Variants in PCSK2 observed in about 807,000 individuals in gnomAD.
PCSK2 encodes the protein proprotein convertase subtilisin/kexin type 2.
Under a neutral mutation model 69.7 loss-of-function variants are expected in PCSK2, and 14 were observed. The observed-to-expected ratio is 0.20, with a 90% confidence interval of 0.13 to 0.31. PCSK2 has a LOEUF of 0.31. PCSK2 is among the 10% of genes least tolerant of loss of function. The pLI is 1.00. For missense variants in PCSK2, 544 were observed against 842.5 expected (o/e 0.65, Z 4.39); for synonymous variants, 307 against 320.7 (o/e 0.96, Z 0.46).
chr20:17,350,630 G>C (rs118107938), intron 2 of PCSK2, among the ~76,000 whole-genome samples: 4 of 152,152 alleles, frequency 2.6e-5, no homozygotes, highest in Non-Finnish European at 4.4e-5. Context: ...CGGCTTAGTC[G>C]AAAGTTCATA....
At chr20:17,430,493 T>A (rs1451575688) in intron 7 of PCSK2, among the ~76,000 whole-genome samples, 1 of 152,176 alleles carries the variant, frequency 6.6e-6, no homozygotes, top group Non-Finnish European at 1.5e-5. Context: ...AAAGCAAAGG[T>A]AACCTATACA....
At chr20:17,348,050 G>GGAAAGAAAGAAAGAAAGAAA (rs200387593) in intron 2 of PCSK2, among the ~76,000 whole-genome samples, 14 of 86,910 alleles carry the variant, frequency 1.6e-4, no homozygotes, top group East Asian at 2.6e-4. Context: ...AAGAAAGAAA[G>GGAAAGAAAGAAAGAAAGAAA]GAAAGAAAGA....
intron 1 of PCSK2, among the ~76,000 whole-genome samples, chr20:17,239,240 C>T (rs1417393673): frequency 1.3e-5 from 2 of 152,184 alleles, no homozygotes; most frequent in Non-Finnish European, 2.9e-5. Flanking sequence ...TATCAGGGCA[C>T]CACCAATTCT....
At position 17,343,778 on chromosome 20, in the gene PCSK2, C is replaced by T. The variant is rs114575710; in HGVS notation, c.283-14549C>T. Reference sequence around the variant, plus strand: ...AGAAATATTTCATCCACTGTTGCGCCGTTAATGATGGAGAAATGGGATCAT... The same window carrying T: ...AGAAATATTTCATCCACTGTTGCGCTGTTAATGATGGAGAAATGGGATCAT... On this transcript the variant is annotated intron_variant, in intron 2 of 11. Coordinates refer to ENST00000262545, the MANE Select transcript of PCSK2 (RefSeq NM_002594.5). Among the ~76,000 whole-genome samples, 1,389 of 152,204 alleles carry T rather than the reference C, an allele frequency of 9.1e-3. 17 individuals are homozygous for T. Among genetic ancestry groups the T allele is most frequent in the African/African-American group, 0.032 (1,325 of 41,520 alleles).
chr20:17,376,097 A>G (rs1255190543), intron 5 of PCSK2, among the ~76,000 whole-genome samples: 2 of 152,150 alleles, frequency 1.3e-5, no homozygotes, highest in Non-Finnish European at 2.9e-5. Context: ...CTCCTGCTGT[A>G]CCCTAGAGGA....
intron 11 of PCSK2, among the ~76,000 whole-genome samples, chr20:17,467,804 T>C (rs1377959893): frequency 2.0e-5 from 3 of 152,204 alleles, no homozygotes; most frequent in South Asian, 2.1e-4. Flanking sequence ...AGGCACACAG[T>C]AGGCACTTAA....
chr20:17,253,693 T>G (rs558044546), intron 1 of PCSK2, among the ~76,000 whole-genome samples: 1 of 152,332 alleles, frequency 6.6e-6, no homozygotes, highest in South Asian at 2.1e-4. Flanking sequence ...TTTGTGTAAA[T>G]GTATGTTTTC....
intron 2 of PCSK2, among the ~76,000 whole-genome samples, chr20:17,346,672 C>T (rs979654701): frequency 2.0e-5 from 3 of 152,206 alleles, no homozygotes; most frequent in Admixed American, 1.3e-4. Context: ...GACTTTCTAG[C>T]TTCTCTGGAA....
At chr20:17,431,073 G>C (rs1333242508) in intron 7 of PCSK2, among the ~76,000 whole-genome samples, 1 of 152,114 alleles carries the variant, frequency 6.6e-6, no homozygotes, top group Non-Finnish European at 1.5e-5. Flanking sequence ...AGCAAAACCT[G>C]AGACAAGGAT....
In PCSK2 at chr20:17,227,270, G is replaced by A. The variant is rs755113606; in HGVS notation, c.-36G>A. 7.0e-6 allele frequency: 11 copies of A among 1,567,180 alleles called. No individual in the cohort carries two copies. In the East Asian group the frequency reaches 2.0e-4, roughly 29 times the overall value. On this transcript the variant is annotated 5_prime_UTR_variant, in exon 1 of 12. Transcript: ENST00000262545. ...CGAGTCCCCTGCTCCGCCAGCCTGC[G>A]CGCCTCCTAGCACCACTTTTCACTC...
At chr20:17,403,967 G>A (rs1243102600) in intron 5 of PCSK2, among the ~76,000 whole-genome samples, 1 of 152,180 alleles carries the variant, frequency 6.6e-6, no homozygotes, top group Non-Finnish European at 1.5e-5. Context: ...CTACTGGTGG[G>A]TGAACTGGGA....
chr20:17,248,022 G>A (rs929318679), intron 1 of PCSK2, among the ~76,000 whole-genome samples: 4 of 152,164 alleles, frequency 2.6e-5, no homozygotes, highest in African/African-American at 9.7e-5. Flanking sequence ...TAAAAACTCT[G>A]CAAGTCTGAC....
At chr20:17,333,231 A>T (rs1391126738) in intron 2 of PCSK2, among the ~76,000 whole-genome samples, 2 of 152,148 alleles carry the variant, frequency 1.3e-5, no homozygotes, top group Non-Finnish European at 1.5e-5. Flanking sequence ...AAGAATGATA[A>T]AGCAAATGTG....
chr20:17,339,425 A>G (rs144993744), intron 2 of PCSK2, among the ~76,000 whole-genome samples: 91 of 152,186 alleles, frequency 6.0e-4, no homozygotes, highest in Non-Finnish European at 1.1e-3. Flanking sequence ...ACATTTCCTC[A>G]TTGGCTTTGG....
At chr20:17,292,203 T>C (rs1172481098) in intron 2 of PCSK2, among the ~76,000 whole-genome samples, 1 of 152,300 alleles carries the variant, frequency 6.6e-6, no homozygotes, top group East Asian at 1.9e-4. Context: ...ACATATTACC[T>C]GCATTTCTTT....
intron 11 of PCSK2, among the ~76,000 whole-genome samples, chr20:17,477,164 T>C (rs73900844): frequency 0.089 from 13,484 of 152,268 alleles, 713 homozygotes; most frequent in African/African-American, 0.14. Context: ...TGACTCCAAC[T>C]GGGCACATGA....
chr20:17,241,607 T>C (rs1986575494), intron 1 of PCSK2, among the ~76,000 whole-genome samples: 1 of 152,224 alleles, frequency 6.6e-6, no homozygotes, highest in South Asian at 2.1e-4. Context: ...GTTATATGTC[T>C]TTGATTCCAT....
chr20:17,260,149 G>A (rs1478010123), intron 1 of PCSK2, 91 bp from the exon 2 acceptor site: 3 of 781,984 alleles, frequency 3.8e-6, no homozygotes, highest in East Asian at 2.4e-5. Context: ...CTACCCCATG[G>A]AGCCCCTGCA....
intron 2 of PCSK2, among the ~76,000 whole-genome samples, chr20:17,267,657 G>A (rs1321906399): frequency 1.3e-5 from 2 of 152,054 alleles, no homozygotes; most frequent in South Asian, 2.1e-4. Flanking sequence ...TTTTCTAGAT[G>A]CTGTTTTTTT....
Sources: gnomAD v4.1 joint callset for allele counts (sites outside exome capture counted in the v4.1 genomes callset) on GRCh38, gnomAD v4.1.1 for gene constraint, MANE v1.5 for transcripts, NCBI Gene and HGNC (gene_info 2026-07-23, HGNC 2026-07-21) for gene names.